The following TLE1 variants were observed in gnomAD, a reference collection of about 807,000 sequenced individuals.
TLE1 encodes transducin-like enhancer protein 1.
Under a neutral mutation model 89.8 loss-of-function variants are expected in TLE1, and 21 were observed. That is an observed-to-expected ratio of 0.23 (90% CI 0.17 to 0.34). The LOEUF (loss-of-function observed/expected upper bound fraction) is 0.34, where lower values mean the gene tolerates loss of function less well. TLE1 is among the 10% of genes least tolerant of loss of function. The pLI, the probability that TLE1 is intolerant of heterozygous loss-of-function variation, is 1.00. For missense variants in TLE1, 795 were observed against 1,031.2 expected (o/e 0.77, Z 3.14); for synonymous variants, 447 against 407.6 (o/e 1.10, Z -1.16).
At chr9:81,650,310 T>C (rs1176792308) in intron 6 of TLE1, among the ~76,000 whole-genome samples, 1 of 152,236 alleles carries the variant, frequency 6.6e-6, no homozygotes, top group East Asian at 1.9e-4. Flanking sequence ...AGCTGGGCGG[T>C]GCCTTTGAGA....
intron 4 of TLE1, among the ~76,000 whole-genome samples, chr9:81,684,564 T>C (rs1287614200): frequency 1.3e-5 from 2 of 152,216 alleles, no homozygotes; most frequent in Non-Finnish European, 1.5e-5. Flanking sequence ...AGTCTTTGAA[T>C]ATAAGGAAGA....
intron 6 of TLE1, among the ~76,000 whole-genome samples, chr9:81,635,172 G>C (rs935775691): frequency 2.0e-5 from 3 of 152,154 alleles, no homozygotes; most frequent in Admixed American, 2.0e-4. Context: ...CCAGGCTTGT[G>C]GCCGCTGGAA....
rs1036587541 is a variant in TLE1 at position 81,592,009 on chromosome 9, G to A, written c.1582-957C>T. 3.9e-5 allele frequency among the ~76,000 whole-genome samples: 6 copies of A among 152,162 alleles called. No individual in the cohort carries two copies. In the South Asian group the frequency reaches 1.0e-3, roughly 26 times the overall value. On this transcript the variant is annotated intron_variant, in intron 15 of 19. Transcript: ENST00000376499. The stretch of plus-strand genomic sequence containing the variant: ...AGGGCAGGGCAGGGCAGGGCAGCTC[G>A]GAGTCTGCTTAAGGCCAGTGGTATG...
chr9:81,603,316 C>T (rs1199103748), intron 14 of TLE1, among the ~76,000 whole-genome samples: 1 of 152,168 alleles, frequency 6.6e-6, no homozygotes, highest in African/African-American at 2.4e-5. Flanking sequence ...GATTATTTAA[C>T]TCATGTTCCC....
intron 4 of TLE1, among the ~76,000 whole-genome samples, chr9:81,673,646 T>A (rs117671510): frequency 6.6e-6 from 1 of 152,256 alleles, no homozygotes; most frequent in East Asian, 1.9e-4. Context: ...ACCTGTTTTC[T>A]CTTTTTCAAG....
intron 14 of TLE1, among the ~76,000 whole-genome samples, chr9:81,608,881 G>A (rs913917379): frequency 1.3e-5 from 2 of 151,532 alleles, no homozygotes; most frequent in African/African-American, 2.4e-5. Context: ...AGGTTGCAGT[G>A]AGCCGAGATC....
intron 8 of TLE1, among the ~76,000 whole-genome samples, chr9:81,627,064 AT>A (rs1042680635): frequency 2.6e-5 from 4 of 152,150 alleles, no homozygotes; most frequent in African/African-American, 9.7e-5. Flanking sequence ...AATGCAAGAA[AT>A]GGCCCTGAAA....
At chr9:81,686,747 G>A (rs1834336396) in intron 2 of TLE1, among the ~76,000 whole-genome samples, 1 of 152,088 alleles carries the variant, frequency 6.6e-6, no homozygotes, top group African/African-American at 2.4e-5. Flanking sequence ...AGAAACTAAG[G>A]CTGAGATGGA....
At chr9:81,652,878 AC>A (rs1720940022) in intron 5 of TLE1, among the ~76,000 whole-genome samples, 2 of 152,048 alleles carry the variant, frequency 1.3e-5, no homozygotes, top group South Asian at 4.1e-4. Context: ...ATCTTGACCC[AC>A]CAGTCATTTT....
intron 16 of TLE1, among the ~76,000 whole-genome samples, chr9:81,589,076 G>A (rs1829057074): frequency 1.3e-5 from 2 of 152,088 alleles, no homozygotes; most frequent in Admixed American, 1.3e-4. Flanking sequence ...CGTGCAGCTG[G>A]ACCTCCAATG....
chr9:81,606,469 C>T (rs569894728), intron 14 of TLE1, among the ~76,000 whole-genome samples: 37 of 152,208 alleles, frequency 2.4e-4, no homozygotes, highest in African/African-American at 7.7e-4. Flanking sequence ...ATGTCCTTTG[C>T]AGGGACATGG....
intron 17 of TLE1, 139 bp downstream of exon 17, chr9:81,587,542 A>T: frequency 1.7e-6 from 2 of 1,204,478 alleles, no homozygotes; most frequent in Non-Finnish European, 1.1e-6. Flanking sequence ...CATTGTTTTT[A>T]AATTAGTTAT....
chr9:81,686,238 C>T (rs1834262080), intron 2 of TLE1, among the ~76,000 whole-genome samples: 1 of 152,214 alleles, frequency 6.6e-6, no homozygotes, highest in Non-Finnish European at 1.5e-5. Flanking sequence ...AAATCCGGCC[C>T]TTGCACAATC....
intron 17 of TLE1, 73 bp downstream of exon 17, chr9:81,587,608 G>A (rs548715268): frequency 1.2e-5 from 18 of 1,496,812 alleles, no homozygotes; most frequent in Middle Eastern, 1.8e-4. Context: ...GGTAAAGGAG[G>A]GAGGGTTGTG....
At chr9:81,659,526 TG>T (rs1830520467) in intron 4 of TLE1, among the ~76,000 whole-genome samples, 1 of 152,062 alleles carries the variant, frequency 6.6e-6, no homozygotes, top group African/African-American at 2.4e-5. Context: ...CACTCAGAAA[TG>T]TAAGCAGCAG....
rs11139366 is a variant in TLE1, at chr9:81,683,602, G to A, written c.234+2074C>T. Among the ~76,000 whole-genome samples, 73 of 152,230 alleles carry A rather than the reference G, an allele frequency of 4.8e-4. No individual in the cohort carries two copies. The East Asian group carries it at 0.012, about 25-fold the overall frequency. On this transcript the variant is annotated intron_variant, in intron 4 of 19. Coordinates refer to ENST00000376499, the MANE Select transcript of TLE1 (RefSeq NM_005077.5). ...ACATTCAGAAGGATGTTTTTCAAATGTAAGTCCACTTTAAACTGAATTATA... is the reference window on the plus strand; with the variant it reads ...ACATTCAGAAGGATGTTTTTCAAATATAAGTCCACTTTAAACTGAATTATA...
intron 8 of TLE1, among the ~76,000 whole-genome samples, chr9:81,632,269 A>G (rs1826735595): frequency 6.6e-6 from 1 of 152,132 alleles, no homozygotes; most frequent in Admixed American, 6.5e-5. Flanking sequence ...TAGGACAAGA[A>G]TTTTAAAACT....
At chr9:81,597,051 C>G (rs562334922) in intron 14 of TLE1, among the ~76,000 whole-genome samples, 61 of 152,310 alleles carry the variant, frequency 4.0e-4, no homozygotes, top group African/African-American at 1.4e-3. Context: ...AAATGAACCT[C>G]TCTCTGGTTC....
intron 14 of TLE1, chr9:81,600,135 C>A (rs778442577): frequency 1.4e-6 from 1 of 729,432 alleles, no homozygotes. Context: ...GACAAAGATA[C>A]AAATGGAGAA....
Sources: gnomAD v4.1 joint callset for allele counts (sites outside exome capture counted in the v4.1 genomes callset) on GRCh38, gnomAD v4.1.1 for gene constraint, MANE v1.5 for transcripts, NCBI Gene and HGNC (gene_info 2026-07-23, HGNC 2026-07-21) for gene names.